The following NFATC2 variants were observed in gnomAD, a reference collection of about 807,000 sequenced individuals.
NFATC2 encodes the protein nuclear factor of activated T-cells, cytoplasmic 2.
NFATC2 carries 22 observed loss-of-function variants against 87.3 expected under a neutral mutation model. That is an observed-to-expected ratio of 0.25 (90% confidence interval 0.18 to 0.36). NFATC2 has a LOEUF of 0.36. Ranked by LOEUF, NFATC2 falls within the 10% of genes least tolerant of loss-of-function variation. The probability of loss-of-function intolerance (pLI) is 1.00; values close to 1 mark genes in which losing one functional copy is unlikely to be tolerated. For missense variants in NFATC2, 1,149 were observed against 1,259.1 expected (o/e 0.91, Z 1.32); for synonymous variants, 565 against 542.2 (o/e 1.04, Z -0.58).
chr20:51,522,935 G>A, intron 2 of NFATC2, 146 bp downstream of exon 2: 2 of 1,116,452 alleles, frequency 1.8e-6, no homozygotes, highest in Admixed American at 2.3e-5. Flanking sequence ...TCCGTCTCAG[G>A]GTCTCGCAAC....
rs73615401 is a variant in NFATC2, at chr20:51,526,343, C to T, written c.131-2233G>A. ...ACAGGGTGAACAAAGCAAGCTACAG[C>T]TTGCTCCTATACTACAACAGCAGAG... On this transcript the variant is annotated intron_variant, in intron 1 of 10. Transcript: ENST00000371564. Among the ~76,000 whole-genome samples the T allele has an allele frequency of 4.7e-4, 72 of 152,312 alleles. 1 individual carries two copies. In the East Asian group the frequency reaches 0.013, roughly 28 times the overall value.
At chr20:51,552,959 C>T (rs1254896406) in intron 1 of NFATC2, among the ~76,000 whole-genome samples, 3 of 152,148 alleles carry the variant, frequency 2.0e-5, no homozygotes, top group Non-Finnish European at 4.4e-5. Context: ...TATCCTGATG[C>T]TCTCCCTCCC....
chr20:51,419,363 G>A (rs2146296012), intron 9 of NFATC2, among the ~76,000 whole-genome samples: 1 of 152,338 alleles, frequency 6.6e-6, no homozygotes, highest in African/African-American at 2.4e-5. Context: ...GGCCAATACA[G>A]TATTAGCTGA....
rs547010431 is a variant in NFATC2, at chr20:51,524,870, C to T, written c.131-760G>A. Reference sequence around the variant, plus strand: ...AAAATACCACAGGCAAGCCACTTGCCCCCCAACAGGCAGGGTCACTGCTAC... The same window carrying T: ...AAAATACCACAGGCAAGCCACTTGCTCCCCAACAGGCAGGGTCACTGCTAC... On this transcript the variant is annotated intron_variant, in intron 1 of 10. Coordinates refer to ENST00000371564, the MANE Select transcript of NFATC2 (RefSeq NM_012340.5). The surrounding 1 kb of genome is among the most constrained non-coding windows in gnomAD (Gnocchi z 4.0). Among the ~76,000 whole-genome samples, 21 of 152,198 alleles carry T rather than the reference C, an allele frequency of 1.4e-4. No homozygotes were observed. The highest frequency in any genetic ancestry group is 3.1e-4 in the Non-Finnish European group (21 of 67,988).
intron 3 of NFATC2, among the ~76,000 whole-genome samples, chr20:51,512,790 G>C (rs2076292300): frequency 6.6e-6 from 1 of 152,144 alleles, no homozygotes; most frequent in Non-Finnish European, 1.5e-5. Context: ...AACTGAGAGG[G>C]GAGAAGAGGC....
At chr20:51,448,097 G>T (rs1020252712) in intron 6 of NFATC2, among the ~76,000 whole-genome samples, 1 of 152,198 alleles carries the variant, frequency 6.6e-6, no homozygotes, top group Non-Finnish European at 1.5e-5. Context: ...AGCAGCAAAC[G>T]CTGAGACTCT....
upstream of NFATC2, among the ~76,000 whole-genome samples, chr20:51,545,628 A>G (rs1436418820): frequency 6.6e-6 from 1 of 151,206 alleles, no homozygotes; most frequent in Non-Finnish European, 1.5e-5. Flanking sequence ...GGATGGATGG[A>G]TAGGGGATGG....
chr20:51,540,653 T>TTTG (rs1555818295), intron 1 of NFATC2, among the ~76,000 whole-genome samples: 3 of 132,164 alleles, frequency 2.3e-5, no homozygotes, highest in East Asian at 5.1e-4. Flanking sequence ...TGAAGTTTTT[T>TTTG]TTTTGTTTTT....
At chr20:51,522,155 G>A (rs1265907196) in intron 2 of NFATC2, among the ~76,000 whole-genome samples, 1 of 152,156 alleles carries the variant, frequency 6.6e-6, no homozygotes, top group East Asian at 1.9e-4. Context: ...CACTGCACAG[G>A]CTCTATACTA....
Position 51,454,290 on chromosome 20 carries a change from T to A in NFATC2, c.1849+258A>T, listed in dbSNP as rs537629345. Among the ~76,000 whole-genome samples, 103 of 152,204 alleles carry A rather than the reference T, an allele frequency of 6.8e-4. 1 individual carries two copies. The highest frequency in any genetic ancestry group is 1.2e-3 in the Non-Finnish European group (83 of 68,008). On this transcript the variant is annotated intron_variant, in intron 6 of 10. Transcript: ENST00000371564. Reference sequence around the variant, plus strand: ...CCTTCCTTATGTAAAAAAGTAATTTTAAAAAAAGGATTGAGGGTGGGAGAT... The same window carrying A: ...CCTTCCTTATGTAAAAAAGTAATTTAAAAAAAAGGATTGAGGGTGGGAGAT...
At chr20:51,491,498 A>G (rs186015255) in intron 3 of NFATC2, among the ~76,000 whole-genome samples, 42 of 152,158 alleles carry the variant, frequency 2.8e-4, no homozygotes, top group Non-Finnish European at 4.0e-4. Flanking sequence ...GTGTTTGCCC[A>G]TTTCCACGGT....
rs959852926 is a variant in NFATC2, at chr20:51,425,911, T to A, written c.2722+6156A>T. On this transcript the variant is annotated intron_variant, in intron 9 of 10. Transcript: ENST00000371564. ...TGGTCCACACTCCTCCAGGGAGCCATGGCAGGGGATACACTCACTGGAGTT... is the reference window on the plus strand; with the variant it reads ...TGGTCCACACTCCTCCAGGGAGCCAAGGCAGGGGATACACTCACTGGAGTT... 4.2e-4 allele frequency among the ~76,000 whole-genome samples: 64 copies of A among 152,198 alleles called. 1 individual carries two copies. The highest frequency in any genetic ancestry group is 1.5e-3 in the African/African-American group (61 of 41,528).
At chr20:51,423,963 C>G (rs1472207363) in intron 9 of NFATC2, among the ~76,000 whole-genome samples, 1 of 152,176 alleles carries the variant, frequency 6.6e-6, no homozygotes, top group Non-Finnish European at 1.5e-5. Context: ...AGCTCTCTTA[C>G]ATAAGCCAGA....
intron 9 of NFATC2, among the ~76,000 whole-genome samples, chr20:51,401,785 A>AGAT (rs1478189887): frequency 6.6e-6 from 1 of 152,180 alleles, no homozygotes; most frequent in African/African-American, 2.4e-5. Context: ...TGATAATTTA[A>AGAT]GATGTAAATT....
At chr20:51,494,670 G>T (rs2075959008) in intron 3 of NFATC2, among the ~76,000 whole-genome samples, 1 of 152,182 alleles carries the variant, frequency 6.6e-6, no homozygotes, top group South Asian at 2.1e-4. Context: ...CTCACAGCAT[G>T]GGAGAGGTTC....
At chr20:51,520,600 A>G (rs1367462483) in intron 2 of NFATC2, among the ~76,000 whole-genome samples, 1 of 151,876 alleles carries the variant, frequency 6.6e-6, no homozygotes, top group Non-Finnish European at 1.5e-5. Context: ...GGAAAGAAAA[A>G]GGGAAAAAGA....
intron 1 of NFATC2, among the ~76,000 whole-genome samples, chr20:51,557,314 G>A (rs972000403): frequency 8.5e-5 from 13 of 152,180 alleles, no homozygotes; most frequent in Non-Finnish European, 1.6e-4. Context: ...CAACAGGGGT[G>A]TGGGTTTGAA....
chr20:51,441,598 T>C (rs1984345465), intron 6 of NFATC2, among the ~76,000 whole-genome samples: 1 of 150,476 alleles, frequency 6.6e-6, no homozygotes, highest in East Asian at 2.0e-4. Flanking sequence ...GCGCCTGTAA[T>C]CCTAGCTACT....
chr20:51,477,610 C>G (rs1988873311), intron 3 of NFATC2, among the ~76,000 whole-genome samples: 1 of 132,900 alleles, frequency 7.5e-6, no homozygotes, highest in African/African-American at 2.8e-5. Context: ...GGACATTGGT[C>G]TAGAGTTTGA....
Sources: allele counts gnomAD v4.1 joint callset (sites outside exome capture counted in the v4.1 genomes callset), GRCh38; gene constraint gnomAD v4.1.1; non-coding constraint Gnocchi (gnomAD v3.1); transcripts MANE v1.5; gene names NCBI Gene and HGNC (gene_info 2026-07-23, HGNC 2026-07-21).